CCDC150: variants seen among roughly 807,000 people sequenced by gnomAD.
CCDC150 encodes coiled-coil domain containing 150, also known as coiled-coil domain-containing protein 150.
A neutral mutation model predicts 156.5 loss-of-function variants in CCDC150; 151 were observed. The observed-to-expected ratio is 0.97, with a 90% CI of 0.85 to 1.10. The LOEUF (loss-of-function observed/expected upper bound fraction) is 1.10. CCDC150 is among the 50% of genes least tolerant of loss of function. The pLI is 0.00. For missense variants in CCDC150, 1,312 were observed against 1,268.1 expected (o/e 1.03, Z -0.53); for synonymous variants, 452 against 429.4 (o/e 1.05, Z -0.65).
At chr2:196,700,229 T>A (rs1696117893) in intron 14 of CCDC150, among the ~76,000 whole-genome samples, 1 of 152,220 alleles carries the variant, frequency 6.6e-6, no homozygotes, top group Admixed American at 6.5e-5. Context: ...CTGCAAATGA[T>A]CCATAGTGCA....
At chr2:196,654,470 A>AT (rs1175485669) in intron 2 of CCDC150, among the ~76,000 whole-genome samples, 2 of 149,696 alleles carry the variant, frequency 1.3e-5, no homozygotes, top group South Asian at 4.2e-4. Context: ...ACATTGGATG[A>AT]TTTTCAGTTA....
intron 7 of CCDC150, chr2:196,667,241 G>T: frequency 4.4e-6 from 1 of 229,408 alleles, no homozygotes; most frequent in East Asian, 1.0e-4. Flanking sequence ...AGTTCATCAT[G>T]TCAGATTCTC....
At chr2:196,710,444 C>G (rs1260911742) in intron 15 of CCDC150, among the ~76,000 whole-genome samples, 6 of 152,188 alleles carry the variant, frequency 3.9e-5, no homozygotes, top group Non-Finnish European at 8.8e-5. Context: ...TCCCCTGACC[C>G]CCCTTGCGCT....
Position 196,732,789 on chromosome 2 carries a change from T to C in CCDC150, c.*227T>C, listed in dbSNP as rs1575995700. 1 of 357,548 alleles carries C rather than the reference T, an allele frequency of 2.8e-6. No homozygotes were observed. The highest frequency in any genetic ancestry group is 2.1e-5 in the African/African-American group (1 of 47,832). 22.1% of individuals were successfully genotyped at this position (357,548 alleles called of 1,614,324 possible). A position where few individuals can be genotyped will look rare whatever the true frequency, so the allele number is the denominator to read the frequency against. On this transcript the variant is annotated 3_prime_UTR_variant, in exon 28 of 28. Coordinates refer to ENST00000389175, the MANE Select transcript of CCDC150 (RefSeq NM_001080539.2). ...CACCCAATAAATTTGTGTTAATTTG[T>C]TGTATGATAGGAGATGGTGTTGCAT... is the stretch of plus-strand genomic sequence containing the variant.
intron 13 of CCDC150, among the ~76,000 whole-genome samples, chr2:196,683,035 A>T (rs1467297996): frequency 3.3e-5 from 5 of 151,942 alleles, no homozygotes; most frequent in African/African-American, 1.2e-4. Flanking sequence ...TAATTGCCTG[A>T]TAGAATCTCC....
intron 10 of CCDC150, among the ~76,000 whole-genome samples, chr2:196,674,916 A>G (rs1204696598): frequency 6.6e-6 from 1 of 152,138 alleles, no homozygotes; most frequent in African/African-American, 2.4e-5. Flanking sequence ...TTTTACACAT[A>G]TTACCTCCTT....
intron 5 of CCDC150, among the ~76,000 whole-genome samples, chr2:196,664,447 A>T (rs1693726400): frequency 6.6e-6 from 1 of 152,248 alleles, no homozygotes; most frequent in Non-Finnish European, 1.5e-5. Context: ...ATATTACAAA[A>T]GATACAGTTG....
At chr2:196,708,407 C>A (rs538352649) in intron 15 of CCDC150, among the ~76,000 whole-genome samples, 1 of 152,154 alleles carries the variant, frequency 6.6e-6, no homozygotes. Context: ...TGTCTCTAAA[C>A]GTGAGATGGG....
intron 2 of CCDC150, among the ~76,000 whole-genome samples, chr2:196,648,738 C>T (rs951387699): frequency 1.3e-5 from 2 of 152,040 alleles, no homozygotes; most frequent in Non-Finnish European, 2.9e-5. Context: ...GGTTTTCCCT[C>T]GTGTTTTCTT....
intron 13 of CCDC150, among the ~76,000 whole-genome samples, chr2:196,679,436 A>AT (rs1300951812): frequency 1.3e-5 from 2 of 152,058 alleles, no homozygotes; most frequent in Non-Finnish European, 2.9e-5. Context: ...TTTAAATTTA[A>AT]TTTTTTTCAT....
Position 196,666,707 on chromosome 2 carries a change from A to G in CCDC150, c.763-12A>G, listed in dbSNP as rs781275791. The G allele has an allele frequency of 3.8e-6, 6 of 1,581,358 alleles. No individual in the cohort carries two copies. The highest frequency in any genetic ancestry group is 3.4e-6 in the Non-Finnish European group (4 of 1,166,312). ...ATCTCACAGAAAAAGAGTTTTTCTT[A>G]TACAATTTCAGGTGCACATTTTGCA... On this transcript the variant is annotated splice_polypyrimidine_tract_variant and intron_variant, in intron 6 of 27. Transcript: ENST00000389175.
At chr2:196,679,975 A>G (rs1327076384) in intron 13 of CCDC150, among the ~76,000 whole-genome samples, 1 of 152,162 alleles carries the variant, frequency 6.6e-6, no homozygotes, top group East Asian at 1.9e-4. Context: ...CAGAGGTTTT[A>G]AAACATATTC....
Position 196,732,448 on chromosome 2 carries a change from C to T in CCDC150, c.3192C>T (p.Asp1064=), listed in dbSNP as rs753930045. 3.1e-6 allele frequency: 5 copies of T among 1,610,202 alleles called. No homozygotes were observed. The South Asian group carries it at 5.5e-5, about 18-fold the overall frequency. Residue 1064 remains aspartate, a splice_region_variant and synonymous_variant, in exon 28 of 28, where the codon GAC becomes GAT. Coordinates refer to ENST00000389175, the MANE Select transcript of CCDC150 (RefSeq NM_001080539.2). ...TAGGTGTGTTTTCTTTCCAACAGGACCAAGATGTAAAACATGATGTCATGT... is the reference window on the plus strand; with the variant it reads ...TAGGTGTGTTTTCTTTCCAACAGGATCAAGATGTAAAACATGATGTCATGT... ...PSGEDRWQEK[D]QDVKHDVMSN... is the part of the protein sequence containing the mutation.
intron 5 of CCDC150, among the ~76,000 whole-genome samples, chr2:196,665,309 A>C (rs1346073431): frequency 6.6e-6 from 1 of 152,128 alleles, no homozygotes; most frequent in Admixed American, 6.5e-5. Context: ...CTTTCAATTT[A>C]CTAATGGATT....
chr2:196,701,793 GATGGATAGAGGAAATGATAA>G (rs1559255912), intron 15 of CCDC150, among the ~76,000 whole-genome samples: 1 of 152,200 alleles, frequency 6.6e-6, no homozygotes, highest in East Asian at 1.9e-4. Context: ...TAGGTTGATG[GATGGATAGAGGAAATGATAA>G]ATGGATAGAT....
At chr2:196,683,754 C>T (rs1197199847) in intron 13 of CCDC150, among the ~76,000 whole-genome samples, 1 of 151,916 alleles carries the variant, frequency 6.6e-6, no homozygotes, top group East Asian at 1.9e-4. Context: ...TTGGTTCTTT[C>T]TAGGAATTTG....
At chr2:196,709,505 G>T (rs993791186) in intron 15 of CCDC150, among the ~76,000 whole-genome samples, 28 of 152,126 alleles carry the variant, frequency 1.8e-4, no homozygotes, top group African/African-American at 6.8e-4. Context: ...GTCTACTTCT[G>T]TCAGGTAGTC....
At chr2:196,641,671 C>T (rs545150614) in intron 1 of CCDC150, among the ~76,000 whole-genome samples, 1 of 152,238 alleles carries the variant, frequency 6.6e-6, no homozygotes, top group African/African-American at 2.4e-5. Context: ...CTGTTCTACC[C>T]AACCCCTGCC....
At chr2:196,728,496 A>G (rs965469325) in intron 22 of CCDC150, among the ~76,000 whole-genome samples, 9 of 152,176 alleles carry the variant, frequency 5.9e-5, no homozygotes, top group South Asian at 2.1e-4. Context: ...TCAAGTGGCA[A>G]TGGTTTAAGG....
Sources: gnomAD v4.1 joint callset for allele counts (sites outside exome capture counted in the v4.1 genomes callset) on GRCh38, gnomAD v4.1.1 for gene constraint, MANE v1.5 for transcripts, NCBI Gene and HGNC (gene_info 2026-07-23, HGNC 2026-07-21) for gene names.